The following NAT9 variants were observed in gnomAD, a reference collection of about 807,000 sequenced individuals.
NAT9 encodes the protein alpha/beta-tubulin-N-acetyltransferase 9.
Under a neutral mutation model 24.0 loss-of-function variants are expected in NAT9, and 18 were observed. The ratio of observed to expected loss-of-function variants is 0.75; its 90% confidence interval spans 0.52 to 1.11. The LOEUF (loss-of-function observed/expected upper bound fraction) is 1.11. Ranked by LOEUF, NAT9 falls within the 50% of genes most tolerant of loss-of-function variation. NAT9 has a pLI of 0.00. For missense variants in NAT9, 254 were observed against 258.6 expected (o/e 0.98, Z 0.12); for synonymous variants, 104 against 102.3 (o/e 1.02, Z -0.10).
chr17:74,775,102 G>A (rs1279875953), intron 2 of NAT9, among the ~76,000 whole-genome samples: 6 of 151,914 alleles, frequency 3.9e-5, no homozygotes, highest in Admixed American at 2.6e-4. Flanking sequence ...TGATCCACCC[G>A]CCTCAGCCTC....
Position 74,771,629 on chromosome 17 carries a change from G to T in NAT9, c.*95C>A. 1 of 1,550,842 alleles carries T rather than the reference G, an allele frequency of 6.4e-7. No homozygotes were observed. Among genetic ancestry groups the T allele is most frequent in the Non-Finnish European group, 8.7e-7 (1 of 1,146,716 alleles). On this transcript the variant is annotated 3_prime_UTR_variant, in exon 7 of 7. Transcript: ENST00000357814. ...CCTCGAAAGGTGATTCCCAGCCTGG[G>T]CCAGGAGCACTCTCCCAGTGCAGGG...
chr17:74,774,551 C>CTTT lies in NAT9; in HGVS notation c.78-866_78-864dup, dbSNP rs34005401. The stretch of plus-strand genomic sequence containing the variant: ...TTCTCCACGTTGATCAGGCTGGTCT[C>CTTT]TTTTTTTTTTTTTTTTTGAGACGGA... On this transcript the variant is annotated intron_variant, in intron 2 of 6. Transcript: ENST00000357814. Among the ~76,000 whole-genome samples the CTTT allele has an allele frequency of 1.0e-4, 13 of 130,186 alleles. 1 individual carries two copies. Among genetic ancestry groups the CTTT allele is most frequent in the South Asian group, 7.3e-4 (3 of 4,112 alleles). The allele number at this position is 130,186 out of a possible 152,430, so 85.4% of individuals were successfully genotyped here.
In NAT9 at chr17:74,770,961, C is replaced by T. The variant is rs2035144523; in HGVS notation, c.*763G>A. On this transcript the variant is annotated 3_prime_UTR_variant, in exon 7 of 7. Transcript: ENST00000357814. ...GGAGGGTGAGGAACAGACGTGGGAG[C>T]ACCAGAGGGACAGAGCTGATGGCCT... 1 of 152,312 alleles carries T rather than the reference C, an allele frequency of 6.6e-6. No individual in the cohort carries two copies. Among genetic ancestry groups the T allele is most frequent in the Non-Finnish European group, 1.5e-5 (1 of 68,122 alleles). The allele number at this position is 152,312 out of a possible 1,614,324, so 9.4% of individuals were successfully genotyped here. A position where few individuals can be genotyped will look rare whatever the true frequency, so the allele number is the denominator to read the frequency against.
intron 2 of NAT9, chr17:74,774,055 A>G: frequency 4.6e-6 from 1 of 219,740 alleles, no homozygotes; most frequent in Middle Eastern, 1.9e-3. Context: ...CAAACGGAAA[A>G]CTACAAGTAG....
intron 2 of NAT9, 97 bp from the exon 3 acceptor site, chr17:74,773,785 G>T: frequency 9.8e-7 from 1 of 1,016,130 alleles, no homozygotes; most frequent in Non-Finnish European, 1.5e-6. Flanking sequence ...CTAACATAGG[G>T]CTCAAAGAAG....
chr17:74,775,406 C>T, intron 2 of NAT9: 1 of 449,248 alleles, frequency 2.2e-6, no homozygotes. Flanking sequence ...CCAAGCTGGT[C>T]TCGAACTGCT....
rs768903215 is a variant in NAT9, at chr17:74,772,446, C to T, written c.335-169G>A. 12 of 1,426,704 alleles carry T rather than the reference C, an allele frequency of 8.4e-6. No individual in the cohort carries two copies. In the East Asian group the frequency reaches 3.0e-4, roughly 36 times the overall value. The allele number at this position is 1,426,704 out of a possible 1,614,324, so 88.4% of individuals were successfully genotyped here. A position where few individuals can be genotyped will look rare whatever the true frequency, so the allele number is the denominator to read the frequency against. Reference sequence around the variant, plus strand: ...GAAGTGTGAAAGGCCTCACAGCTTGCAACCCAGCAACCTGACTTCAAAGCT... The same window carrying T: ...GAAGTGTGAAAGGCCTCACAGCTTGTAACCCAGCAACCTGACTTCAAAGCT... On this transcript the variant is annotated intron_variant, in intron 4 of 6. Transcript: ENST00000357814.
intron 2 of NAT9, 112 bp downstream of exon 2, chr17:74,775,510 A>G (rs2035919276): frequency 2.1e-6 from 2 of 937,780 alleles, no homozygotes; most frequent in Admixed American, 5.3e-5. Context: ...CTCATATATA[A>G]TTATTTCTCA....
rs759989286 is a variant in NAT9, at chr17:74,772,856, A to G, written c.334+40T>C. The G allele has an allele frequency of 4.3e-6, 7 of 1,612,354 alleles. No individual in the cohort carries two copies. In the South Asian group the frequency reaches 7.7e-5, roughly 18 times the overall value. ...GGCAGGCTCAGTCAGCAGATCTGAGAGCCGGGAGTCAGCGGAAGGCAGGGC... is the reference window on the plus strand; with the variant it reads ...GGCAGGCTCAGTCAGCAGATCTGAGGGCCGGGAGTCAGCGGAAGGCAGGGC... On this transcript the variant is annotated intron_variant, in intron 4 of 6. Transcript: ENST00000357814.
In NAT9 at chr17:74,771,519, GGGAACT is replaced by G; in HGVS notation, c.*199_*204del. The G allele has an allele frequency of 1.3e-6, 1 of 770,126 alleles. No individual in the cohort carries two copies. The highest frequency in any genetic ancestry group is 2.7e-5 in the East Asian group (1 of 36,670). The allele number at this position is 770,126 out of a possible 1,614,324, so 47.7% of individuals were successfully genotyped here. On this transcript the variant is annotated 3_prime_UTR_variant, in exon 7 of 7. Coordinates refer to ENST00000357814, the MANE Select transcript of NAT9 (RefSeq NM_015654.5). Reference sequence around the variant, plus strand: ...TCTGGGTTTGGCCGGGAGGGGAGAAGGGAACTGGCCCTGGCCCTGGAGTCTGCTCAG... The same window carrying G: ...TCTGGGTTTGGCCGGGAGGGGAGAAGGGCCCTGGCCCTGGAGTCTGCTCAG...
intron 2 of NAT9, 97 bp from the exon 3 acceptor site, chr17:74,773,785 G>A: frequency 9.8e-7 from 1 of 1,016,130 alleles, no homozygotes; most frequent in South Asian, 1.3e-5. Flanking sequence ...CTAACATAGG[G>A]CTCAAAGAAG....
Position 74,772,870 on chromosome 17 carries a change from G to C in NAT9, c.334+26C>G, listed in dbSNP as rs199848210. ...GCAGATCTGAGAGCCGGGAGTCAGC[G>C]GAAGGCAGGGCTAGGTGAAACAAAC... On this transcript the variant is annotated intron_variant, in intron 4 of 6. Coordinates refer to ENST00000357814, the MANE Select transcript of NAT9 (RefSeq NM_015654.5). 3 of 1,613,230 alleles carry C rather than the reference G, an allele frequency of 1.9e-6. No homozygotes were observed. The Admixed American group carries it at 5.0e-5, about 27-fold the overall frequency.
rs2305213 is a variant in NAT9 at position 74,773,600 on chromosome 17, A to G, written c.166T>C (p.Cys56Arg). 0.084 allele frequency: 136,048 copies of G among 1,613,864 alleles called. 7,224 individuals are homozygous for G. The highest frequency in any genetic ancestry group is 0.22 in the African/African-American group (16,210 of 74,998). The change falls in exon 3 of 7, where the codon TGC (cysteine) becomes CGC (arginine). Residue 56 changes from cysteine (C) to arginine (R), a missense_variant. By Grantham distance (180) the Cys-to-Arg change is radical. Transcript: ENST00000357814. ...CTGTCTGCATCTTCCTGCCAGCTGC[A>G]CTGCATGGCATACTCCTGCTCCAGG... The part of the protein sequence containing the change: ...LTLEQEYAMQ[C>R]SWQEDADKCT...
At chr17:74,772,588 C>CAACAT in intron 4 of NAT9, 1 of 1,401,876 alleles carries the variant, frequency 7.1e-7, no homozygotes, top group Non-Finnish European at 9.2e-7. Flanking sequence ...TGTAATATGA[C>CAACAT]AACATGCTCC....
At chr17:74,773,299 G>A in intron 3 of NAT9, 2 of 590,744 alleles carry the variant, frequency 3.4e-6, no homozygotes, top group Non-Finnish European at 6.0e-6. Context: ...CTGTGGTGAG[G>A]GACATGAGGG....
intron 2 of NAT9, 31 bp downstream of exon 2, chr17:74,775,591 A>G: frequency 1.9e-6 from 3 of 1,595,990 alleles, no homozygotes; most frequent in Non-Finnish European, 2.6e-6. Context: ...CTGGGTGCTG[A>G]TACGCACCCC....
At position 74,773,507 on chromosome 17, in the gene NAT9, C is replaced by A. The variant is rs949000097; in HGVS notation, c.190+69G>T. On this transcript the variant is annotated intron_variant, in intron 3 of 6. Coordinates refer to ENST00000357814, the MANE Select transcript of NAT9 (RefSeq NM_015654.5). ...GGCCGGGGCTGGGAAAGGGAAGGAA[C>A]CTGGAGACTGACTGTGGAGTCAGCC... 1.7e-5 allele frequency: 24 copies of A among 1,382,710 alleles called. No individual in the cohort carries two copies. The African/African-American group carries it at 2.7e-4, about 16-fold the overall frequency. 85.7% of individuals were successfully genotyped at this position (1,382,710 alleles called of 1,614,324 possible).
intron 4 of NAT9, 172 bp downstream of exon 4, chr17:74,772,724 T>C: frequency 1.7e-6 from 2 of 1,161,714 alleles, no homozygotes; most frequent in African/African-American, 1.6e-5. Context: ...GCTGAGGGTG[T>C]ACCACCAGGC....
Position 74,771,425 on chromosome 17 carries a change from C to T in NAT9, c.*299G>A, listed in dbSNP as rs2035194036. 2 of 477,136 alleles carry T rather than the reference C, an allele frequency of 4.2e-6. No individual in the cohort carries two copies. The highest frequency in any genetic ancestry group is 2.5e-5 in the South Asian group (1 of 39,966). The allele number at this position is 477,136 out of a possible 1,614,324, so 29.6% of individuals were successfully genotyped here. A position where few individuals can be genotyped will look rare whatever the true frequency, so the allele number is the denominator to read the frequency against. On this transcript the variant is annotated 3_prime_UTR_variant, in exon 7 of 7. Coordinates refer to ENST00000357814, the MANE Select transcript of NAT9 (RefSeq NM_015654.5). ...CATGTTCCAGGTCCCCCTGCACCTC[C>T]AGCTCCCACCTTCATCCCGACATCT...
Sources: gnomAD v4.1 joint callset for allele counts (sites outside exome capture counted in the v4.1 genomes callset) on GRCh38, gnomAD v4.1.1 for gene constraint, MANE v1.5 for transcripts, NCBI Gene and HGNC (gene_info 2026-07-23, HGNC 2026-07-21) for gene names.